The following CA4 variants were observed in gnomAD, a reference collection of about 807,000 sequenced individuals.
CA4 encodes the protein CA-IV.
A neutral mutation model predicts 34.5 loss-of-function variants in CA4; 24 were observed. The observed-to-expected ratio is 0.70, with a 90% confidence interval of 0.50 to 0.98. CA4 has a LOEUF of 0.98. Ranked by LOEUF, CA4 falls within the 50% of genes least tolerant of loss-of-function variation. The pLI, the probability that CA4 is intolerant of heterozygous loss-of-function variation, is 0.00. For missense variants in CA4, 394 were observed against 396.7 expected (o/e 0.99, Z 0.06); for synonymous variants, 178 against 170.6 (o/e 1.04, Z -0.34).
downstream of CA4, among the ~76,000 whole-genome samples, chr17:60,160,314 G>A (rs571051813): frequency 6.6e-6 from 1 of 152,356 alleles, no homozygotes; most frequent in South Asian, 2.1e-4. Flanking sequence ...AATTTATTGA[G>A]CGTTTATGCT....
chr17:60,158,696 G>A, intron 7 of CA4: 1 of 561,410 alleles, frequency 1.8e-6, no homozygotes, highest in Non-Finnish European at 3.2e-6. Flanking sequence ...TTTCTATCAT[G>A]AACGAGGCTC....
At chr17:60,160,995 G>A (rs1248648144), downstream of CA4, among the ~76,000 whole-genome samples, 1 of 151,944 alleles carries the variant, frequency 6.6e-6, no homozygotes, top group Admixed American at 6.6e-5. Context: ...GGGAGCTATA[G>A]AGGTGAAGGC....
downstream of CA4, among the ~76,000 whole-genome samples, chr17:60,161,728 C>T (rs1333935062): frequency 1.3e-5 from 2 of 152,062 alleles, no homozygotes; most frequent in Non-Finnish European, 2.9e-5. Flanking sequence ...CCCTCCCTTC[C>T]CTGGTGACCA....
At chr17:60,160,172 C>T (rs1457041684), downstream of CA4, among the ~76,000 whole-genome samples, 1 of 152,144 alleles carries the variant, frequency 6.6e-6, no homozygotes, top group Non-Finnish European at 1.5e-5. Flanking sequence ...TATACTGAGG[C>T]TAGGGCAGAG....
rs2083740264 is a variant in CA4, at chr17:60,158,656, G to A, written c.744+210G>A. 3 of 602,956 alleles carry A rather than the reference G, an allele frequency of 5.0e-6. No individual in the cohort carries two copies. In the African/African-American group the frequency reaches 5.5e-5, roughly 11 times the overall value. 37.4% of individuals were successfully genotyped at this position (602,956 alleles called of 1,614,324 possible). On this transcript the variant is annotated intron_variant, in intron 7 of 7. Coordinates refer to ENST00000300900, the MANE Select transcript of CA4 (RefSeq NM_000717.5). ...GGGGGCTAGACAGGAGGCAGGGGAA[G>A]GTGGAGTCATTCAGAAAATGGTGCT...
downstream of CA4, among the ~76,000 whole-genome samples, chr17:60,161,492 G>C (rs948486872): frequency 7.2e-5 from 11 of 152,046 alleles, no homozygotes; most frequent in Non-Finnish European, 1.2e-4. Context: ...TCACAGGAAG[G>C]CGTGCCCACC....
At chr17:60,167,952 G>A (rs2083871552) in intron 5 of CA4, among the ~76,000 whole-genome samples, 1 of 152,126 alleles carries the variant, frequency 6.6e-6, no homozygotes, top group African/African-American at 2.4e-5. Flanking sequence ...CTTACAACAT[G>A]ACAGGACAGA....
downstream of CA4, among the ~76,000 whole-genome samples, chr17:60,164,340 C>T (rs1223443779): frequency 6.7e-6 from 1 of 149,146 alleles, no homozygotes; most frequent in Non-Finnish European, 1.5e-5. Context: ...TCCTTCCCTC[C>T]TCCCCTCCCT....
intron 7 of CA4, chr17:60,159,025 T>C: frequency 1.6e-6 from 1 of 617,402 alleles, no homozygotes; most frequent in Non-Finnish European, 2.9e-6. Context: ...AGGAAGCCAA[T>C]GGGCACTTAG....
At chr17:60,155,725 G>A (rs562067083) in intron 2 of CA4, among the ~76,000 whole-genome samples, 23 of 152,138 alleles carry the variant, frequency 1.5e-4, no homozygotes, top group Admixed American at 9.2e-4. Flanking sequence ...GGTGCTCAGG[G>A]ACCAGGGAGC....
At chr17:60,167,768 T>C (rs1210784531) in intron 5 of CA4, among the ~76,000 whole-genome samples, 1 of 152,172 alleles carries the variant, frequency 6.6e-6, no homozygotes, top group Non-Finnish European at 1.5e-5. Flanking sequence ...GATTCTGCTA[T>C]TCCCTAGCTC....
In CA4 at chr17:60,155,345, G is replaced by C. The variant is rs376842199; in HGVS notation, c.90G>C (p.Glu30Asp). ...ESHWCYEVQA[E>D]SSNYPCLVPV... ...ACTGGTGCTACGAGGTTCAAGCCGA[G>C]TCCTCCAACTACCCCTGCTTGGGTG... The change falls in exon 2 of 8, where the codon GAG (glutamate) becomes GAC (aspartate). Residue 30 changes from glutamate to aspartate, a missense_variant. Coordinates refer to ENST00000300900, the MANE Select transcript of CA4 (RefSeq NM_000717.5). 7.4e-6 allele frequency: 12 copies of C among 1,611,224 alleles called. No homozygotes were observed. Among genetic ancestry groups the C allele is most frequent in the East Asian group, 2.2e-5 (1 of 44,762 alleles).
At chr17:60,168,569 T>C (rs2083882292) in intron 5 of CA4, among the ~76,000 whole-genome samples, 1 of 150,064 alleles carries the variant, frequency 6.7e-6, no homozygotes, top group Admixed American at 6.6e-5. Flanking sequence ...TTTTTTTTTT[T>C]TCGGTGGGGA....
At chr17:60,157,340 A>G (rs528713337) in intron 3 of CA4, 87 bp from the exon 4 acceptor site, 1 of 1,493,952 alleles carries the variant, frequency 6.7e-7, no homozygotes, top group East Asian at 2.3e-5. Context: ...GCAGGAGACA[A>G]TGTCCCATCT....
intron 5 of CA4, among the ~76,000 whole-genome samples, chr17:60,166,527 A>C (rs1353840138): frequency 6.6e-6 from 1 of 152,246 alleles, no homozygotes; most frequent in Non-Finnish European, 1.5e-5. Context: ...ACTAATTTCT[A>C]TTGCATCTGG....
At chr17:60,169,557 C>T (rs1206608567) in intron 5 of CA4, among the ~76,000 whole-genome samples, 4 of 152,052 alleles carry the variant, frequency 2.6e-5, no homozygotes, top group Non-Finnish European at 5.9e-5. Flanking sequence ...GGCTCAATCT[C>T]GGCTCACTGC....
At chr17:60,167,040 A>G (rs538264255) in intron 5 of CA4, among the ~76,000 whole-genome samples, 17 of 152,352 alleles carry the variant, frequency 1.1e-4, no homozygotes, top group African/African-American at 3.6e-4. Context: ...CCGCACACTT[A>G]CAATTGCTAC....
At chr17:60,171,623 T>C (rs2083911254), downstream of CA4, among the ~76,000 whole-genome samples, 1 of 152,200 alleles carries the variant, frequency 6.6e-6, no homozygotes, top group Non-Finnish European at 1.5e-5. Context: ...TGTGCTTGGC[T>C]TTCTGAATGC....
chr17:60,162,447 G>A (rs1465521713), downstream of CA4, among the ~76,000 whole-genome samples: 1 of 152,018 alleles, frequency 6.6e-6, no homozygotes, highest in East Asian at 1.9e-4. Flanking sequence ...CCCTCTGAGG[G>A]CGAGGGAGGA....
Sources: gnomAD v4.1 joint callset for allele counts (sites outside exome capture counted in the v4.1 genomes callset) on GRCh38, gnomAD v4.1.1 for gene constraint, MANE v1.5 for transcripts, NCBI Gene and HGNC (gene_info 2026-07-23, HGNC 2026-07-21) for gene names.